ATP10A: variants seen among roughly 807,000 people sequenced by gnomAD.
ATP10A encodes the protein ATPase phospholipid transporting 10A (putative), also known as phospholipid-transporting ATPase VA.
A neutral mutation model predicts 147.8 loss-of-function variants in ATP10A; 111 were observed. That is an observed-to-expected ratio of 0.75 (90% CI 0.64 to 0.88). The LOEUF is 0.88. Ranked by LOEUF, ATP10A falls within the 40% of genes least tolerant of loss-of-function variation. ATP10A has a pLI of 0.00. For synonymous variants in ATP10A, 875 were observed against 841.6 expected (o/e 1.04, Z -0.69); for missense variants, 1,927 against 1,959.0 (o/e 0.98, Z 0.31).
intron 2 of ATP10A, among the ~76,000 whole-genome samples, chr15:25,768,462 A>T (rs1369896399): frequency 6.6e-6 from 1 of 151,034 alleles, no homozygotes; most frequent in Non-Finnish European, 1.5e-5. Context: ...AAGTGCTTCA[A>T]CCCCAGACCC....
intron 1 of ATP10A, among the ~76,000 whole-genome samples, chr15:25,797,639 CTCCTCGGGGGACAGCCAT>C (rs1448677214): frequency 1.3e-5 from 2 of 152,338 alleles, no homozygotes; most frequent in East Asian, 3.9e-4. Context: ...CCTTGGGCCC[CTCCTCGGGGGACAGCCAT>C]CCAAGAAGGG....
intron 2 of ATP10A, among the ~76,000 whole-genome samples, chr15:25,744,081 C>A (rs1249666967): frequency 1.3e-5 from 2 of 152,032 alleles, no homozygotes; most frequent in Non-Finnish European, 2.9e-5. Context: ...TCTAACGCAA[C>A]CAGGAAGAAC....
rs1013577219 is a variant in ATP10A at position 25,754,929 on chromosome 15, C to A, written c.655-18788G>T. On this transcript the variant is annotated intron_variant, in intron 2 of 20. Coordinates refer to ENST00000555815, the MANE Select transcript of ATP10A (RefSeq NM_024490.4). ...TTGGCATTCAGGATCCTCAAAGAGA[C>A]AACAGGATTCCCAAATAGCCTTTTA... Among the ~76,000 whole-genome samples, 6 of 152,248 alleles carry A rather than the reference C, an allele frequency of 3.9e-5. No homozygotes were observed. In the East Asian group the frequency reaches 7.7e-4, roughly 20 times the overall value.
At chr15:25,683,547 A>G in intron 16 of ATP10A, 61 bp from the exon 17 acceptor site, 4 of 1,486,988 alleles carry the variant, frequency 2.7e-6, no homozygotes, top group Non-Finnish European at 3.7e-6. Flanking sequence ...GAGGATTCTC[A>G]TCCGAGGGAG....
chr15:25,716,752 G>C lies in ATP10A; in HGVS notation c.1754C>G (p.Ser585Cys), dbSNP rs759455655. 31 of 1,595,284 alleles carry C rather than the reference G, an allele frequency of 1.9e-5. No homozygotes were observed. The East Asian group carries it at 5.3e-4, about 27-fold the overall frequency. ...LTICNTVVVTSPDQPRTKVRV... is the reference protein window; with the variant it reads ...LTICNTVVVTCPDQPRTKVRV... ...TGCCTTTGTTCGTGGCTGATCCGGGGACGTGACGACGACTGTGTTGCAGAT... is the reference window on the plus strand; with the variant it reads ...TGCCTTTGTTCGTGGCTGATCCGGGCACGTGACGACGACTGTGTTGCAGAT... Residue 585 changes from serine (S) to cysteine (C), a missense_variant, in exon 9 of 21, where the codon TCC becomes TGC. Coordinates refer to ENST00000555815, the MANE Select transcript of ATP10A (RefSeq NM_024490.4).
At chr15:25,734,735 G>A (rs1163361278) in intron 3 of ATP10A, among the ~76,000 whole-genome samples, 3 of 152,118 alleles carry the variant, frequency 2.0e-5, no homozygotes, top group Non-Finnish European at 4.4e-5. Context: ...TAATGCTATC[G>A]GTGTCTGATT....
At chr15:25,706,634 C>T (rs1596721893) in intron 12 of ATP10A, among the ~76,000 whole-genome samples, 1 of 152,278 alleles carries the variant, frequency 6.6e-6, no homozygotes, top group Middle Eastern at 3.4e-3. Context: ...AGCCATGTCC[C>T]CAAATAGTCA....
At chr15:25,787,988 A>G (rs1890248515) in intron 1 of ATP10A, among the ~76,000 whole-genome samples, 1 of 152,218 alleles carries the variant, frequency 6.6e-6, no homozygotes, top group Non-Finnish European at 1.5e-5. Context: ...CCACTGAGAG[A>G]GTTCCCGCTA....
At chr15:25,843,102 GT>G (rs752202909) in intron 1 of ATP10A, among the ~76,000 whole-genome samples, 2 of 152,114 alleles carry the variant, frequency 1.3e-5, no homozygotes, top group Non-Finnish European at 2.9e-5. Context: ...CTGCCAGGAG[GT>G]GCCAACAGTT....
chr15:25,682,041 G>A (rs1443447202), intron 17 of ATP10A, among the ~76,000 whole-genome samples: 8 of 135,434 alleles, frequency 5.9e-5, no homozygotes, highest in East Asian at 2.1e-4. Flanking sequence ...GTGACAGAGC[G>A]AGACCTTGTC....
chr15:25,756,646 T>TA (rs55927012), intron 2 of ATP10A, among the ~76,000 whole-genome samples: 2 of 151,148 alleles, frequency 1.3e-5, no homozygotes, highest in South Asian at 2.1e-4. Flanking sequence ...CCATCTCAAA[T>TA]AAAAAAAAAG....
chr15:25,774,864 A>G (rs1596862071), intron 2 of ATP10A, among the ~76,000 whole-genome samples: 2 of 152,304 alleles, frequency 1.3e-5, no homozygotes, highest in South Asian at 4.1e-4. Context: ...GTATTGTCAA[A>G]GTCATTTATT....
chr15:25,791,306 G>A (rs201161377), intron 1 of ATP10A, among the ~76,000 whole-genome samples: 3 of 151,914 alleles, frequency 2.0e-5, no homozygotes, highest in Admixed American at 2.0e-4. Flanking sequence ...CACTTGGCAG[G>A]CTCCTCTGTG....
At chr15:25,782,957 G>A (rs543960653) in intron 1 of ATP10A, among the ~76,000 whole-genome samples, 255 of 152,050 alleles carry the variant, frequency 1.7e-3, no homozygotes, top group African/African-American at 5.9e-3. Flanking sequence ...ATTGCTTGAG[G>A]CTGGGAGTTT....
chr15:25,729,069 C>T (rs1902780781), intron 3 of ATP10A, among the ~76,000 whole-genome samples: 1 of 152,220 alleles, frequency 6.6e-6, no homozygotes, highest in South Asian at 2.1e-4. Flanking sequence ...CGTGAGCCGT[C>T]AGCTCCGTTG....
At chr15:25,728,985 G>A (rs1006839674) in intron 3 of ATP10A, among the ~76,000 whole-genome samples, 1 of 152,204 alleles carries the variant, frequency 6.6e-6, no homozygotes, top group Non-Finnish European at 1.5e-5. Context: ...GAGAGAGAGA[G>A]GCCCGGCCGA....
chr15:25,859,960 A>G (rs1300802848), intron 1 of ATP10A, among the ~76,000 whole-genome samples: 1 of 152,130 alleles, frequency 6.6e-6, no homozygotes, highest in Non-Finnish European at 1.5e-5. Flanking sequence ...ACTCCTATGC[A>G]CAGCAGCTAG....
intron 1 of ATP10A, among the ~76,000 whole-genome samples, chr15:25,859,294 C>T (rs1052095365): frequency 2.0e-5 from 3 of 152,192 alleles, no homozygotes; most frequent in Non-Finnish European, 2.9e-5. Flanking sequence ...GTGTTGGAGA[C>T]CGATGTCAGC....
At chr15:25,712,663 G>A (rs562244765) in intron 10 of ATP10A, among the ~76,000 whole-genome samples, 1 of 152,288 alleles carries the variant, frequency 6.6e-6, no homozygotes, top group African/African-American at 2.4e-5. Flanking sequence ...TCCATGAATT[G>A]GATTCTTTGC....
Sources: allele counts gnomAD v4.1 joint callset (sites outside exome capture counted in the v4.1 genomes callset), GRCh38; gene constraint gnomAD v4.1.1; transcripts MANE v1.5; gene names NCBI Gene and HGNC (gene_info 2026-07-23, HGNC 2026-07-21).